Variants in PCDHGA5 observed in about 807,000 individuals in gnomAD.
The protein encoded by PCDHGA5 is protocadherin gamma-A5.
In PCDHGA5, 36 loss-of-function variants were observed where a neutral mutation model predicts 56.7. The ratio of observed to expected loss-of-function variants is 0.64; its 90% confidence interval spans 0.49 to 0.84. PCDHGA5 has a LOEUF of 0.84. PCDHGA5 is among the 40% of genes least tolerant of loss of function. PCDHGA5 has a pLI of 0.00. For synonymous variants in PCDHGA5, 563 were observed against 520.2 expected (o/e 1.08, Z -1.12); for missense variants, 1,305 against 1,201.5 (o/e 1.09, Z -1.27).
At position 141,418,595 on chromosome 5, in the gene PCDHGA5, G is replaced by A. The variant is rs1331897624; in HGVS notation, c.2421+51844G>A. The A allele has an allele frequency of 2.5e-6, 4 of 1,613,928 alleles. No individual in the cohort carries two copies. Among genetic ancestry groups the A allele is most frequent in the Admixed American group, 3.3e-5 (2 of 60,006 alleles). On this transcript the variant is annotated intron_variant, in intron 1 of 3. Transcript: ENST00000518069. ...CAACCCCCCAGTGTTCAGCCAGGAC[G>A]TGTACAGGGTTAGCCTTCGGGAAGA...
chr5:141,394,532 T>G (rs1259695027), intron 1 of PCDHGA5: 7 of 1,614,188 alleles, frequency 4.3e-6, no homozygotes, highest in East Asian at 4.5e-5. Flanking sequence ...ACGGTTCCAC[T>G]GGCGTGGAGC....
At chr5:141,403,157 A>G in intron 1 of PCDHGA5, 3 of 1,614,030 alleles carry the variant, frequency 1.9e-6, no homozygotes, top group Non-Finnish European at 8.5e-7. Context: ...CATCGTCTCT[A>G]GAGGTAGGAC....
At chr5:141,427,966 T>C (rs1458559803) in intron 1 of PCDHGA5, 10 of 1,590,764 alleles carry the variant, frequency 6.3e-6, no homozygotes, top group African/African-American at 1.3e-5. Flanking sequence ...CCGCGGGTGC[T>C]GTACCCCGCG....
chr5:141,374,518 C>T (rs766036470), intron 1 of PCDHGA5: 2 of 1,612,420 alleles, frequency 1.2e-6, no homozygotes, highest in South Asian at 1.1e-5. Flanking sequence ...TTCTCGAAAA[C>T]GCAGCTCCAT....
intron 1 of PCDHGA5, chr5:141,396,092 A>G (rs1589275874): frequency 6.6e-6 from 1 of 152,314 alleles, no homozygotes; most frequent in East Asian, 1.9e-4. Context: ...AAGTGGTGAG[A>G]ATGTTGATAT....
At chr5:141,405,083 C>T in intron 1 of PCDHGA5, 1 of 1,613,942 alleles carries the variant, frequency 6.2e-7, no homozygotes, top group Non-Finnish European at 8.5e-7. Flanking sequence ...CGTTATCACG[C>T]TGCTGGCCCT....
rs1243232069 is a variant in PCDHGA5 at position 141,490,842 on chromosome 5, G to A, written c.2422-3965G>A. Reference sequence around the variant, plus strand: ...TGCTGCAGATGCTGCAGATTGTGGTGGGGGTTCGAGACTCCGGCTCTCCCC... The same window carrying A: ...TGCTGCAGATGCTGCAGATTGTGGTAGGGGTTCGAGACTCCGGCTCTCCCC... On this transcript the variant is annotated intron_variant, in intron 1 of 3. Transcript: ENST00000518069. The surrounding 1 kb of genome is among the most constrained non-coding windows in gnomAD (Gnocchi z 5.4). 4.3e-6 allele frequency: 7 copies of A among 1,613,844 alleles called. No homozygotes were observed. In the South Asian group the frequency reaches 6.6e-5, roughly 15 times the overall value.
intron 1 of PCDHGA5, chr5:141,422,204 GAGGTCTCTTTACCA>G: frequency 6.4e-7 from 1 of 1,562,138 alleles, no homozygotes. Flanking sequence ...CAAGATGGTG[GAGGTCTCTTTACCA>G]CCACGACGAT....
intron 1 of PCDHGA5, among the ~76,000 whole-genome samples, chr5:141,382,030 T>C (rs953371042): frequency 6.6e-6 from 1 of 151,856 alleles, no homozygotes; most frequent in African/African-American, 2.4e-5. Context: ...GGTTTCTCCA[T>C]GTTGGTCAGG....
chr5:141,485,124 C>T lies in PCDHGA5; in HGVS notation c.2422-9683C>T. The T allele has an allele frequency of 7.2e-7, 1 of 1,390,146 alleles. No individual in the cohort carries two copies. The highest frequency in any genetic ancestry group is 1.0e-6 in the Non-Finnish European group (1 of 990,090). The allele number at this position is 1,390,146 out of a possible 1,614,324, so 86.1% of individuals were successfully genotyped here. ...GCTGCTGTGGCTGTTTGGGGCGGGT[C>T]GGCTTCATCCGCGTCTCAGGAGCAA... On this transcript the variant is annotated intron_variant, in intron 1 of 3. Coordinates refer to ENST00000518069, the MANE Select transcript of PCDHGA5 (RefSeq NM_018918.3). The surrounding 1 kb of genome is among the most constrained non-coding windows in gnomAD (Gnocchi z 5.7).
chr5:141,418,712 G>A (rs1431536945), intron 1 of PCDHGA5: 1 of 1,613,976 alleles, frequency 6.2e-7, no homozygotes, highest in African/African-American at 1.3e-5. Context: ...CTTTGGTGTG[G>A]CTGACAAAGC....
intron 1 of PCDHGA5, chr5:141,410,073 G>T: frequency 6.2e-7 from 1 of 1,612,940 alleles, no homozygotes; most frequent in South Asian, 1.1e-5. Context: ...CTGCGCACTG[G>T]GGAGGTGCGC....
At position 141,364,269 on chromosome 5, in the gene PCDHGA5, A is replaced by G; in HGVS notation, c.-62A>G. 6.6e-7 allele frequency: 1 copy of G among 1,512,256 alleles called. No homozygotes were observed. The highest frequency in any genetic ancestry group is 2.3e-5 in the East Asian group (1 of 43,912). The allele number at this position is 1,512,256 out of a possible 1,614,324, so 93.7% of individuals were successfully genotyped here. ...CAGGGAATATGTACCCATCGGCTTT[A>G]GATAAATAAGGAAACAGCAGGCTGA... On this transcript the variant is annotated 5_prime_UTR_variant, in exon 1 of 4. Coordinates refer to ENST00000518069, the MANE Select transcript of PCDHGA5 (RefSeq NM_018918.3).
intron 1 of PCDHGA5, chr5:141,471,553 TG>T (rs1217142933): frequency 6.6e-6 from 1 of 152,224 alleles, no homozygotes; most frequent in African/African-American, 2.4e-5. Flanking sequence ...AAGGTTGCTT[TG>T]ACTCAGGGGT....
At chr5:141,500,723 G>A (rs6875791) in intron 2 of PCDHGA5, among the ~76,000 whole-genome samples, 4,890 of 152,100 alleles carry the variant, frequency 0.032, 255 homozygotes, top group African/African-American at 0.11. Flanking sequence ...ATTTCCCCAT[G>A]TCTTTCAAAA....
intron 1 of PCDHGA5, chr5:141,415,339 C>T (rs776585248): frequency 7.4e-6 from 12 of 1,614,190 alleles, no homozygotes; most frequent in Non-Finnish European, 1.0e-5. Context: ...CAGGCTGCGG[C>T]GCTGGCACAA....
chr5:141,384,134 G>T, intron 1 of PCDHGA5: 2 of 1,611,964 alleles, frequency 1.2e-6, no homozygotes, highest in South Asian at 2.2e-5. Context: ...AACTTGGACC[G>T]GGAAACACTC....
At chr5:141,456,214 G>C (rs552287407) in intron 1 of PCDHGA5, among the ~76,000 whole-genome samples, 8 of 152,136 alleles carry the variant, frequency 5.3e-5, no homozygotes, top group Non-Finnish European at 7.4e-5. Context: ...CCTCCCTGTG[G>C]CGATATCAAA....
At chr5:141,417,621 A>G in intron 1 of PCDHGA5, 1 of 662,852 alleles carries the variant, frequency 1.5e-6, no homozygotes, top group Non-Finnish European at 2.4e-6. Context: ...GTGCAGAGCA[A>G]GCGCTGACGC....
Sources: allele counts gnomAD v4.1 joint callset (sites outside exome capture counted in the v4.1 genomes callset), GRCh38; gene constraint gnomAD v4.1.1; non-coding constraint Gnocchi (gnomAD v3.1); transcripts MANE v1.5; gene names NCBI Gene and HGNC (gene_info 2026-07-23, HGNC 2026-07-21).